ADAM32: variants seen among roughly 807,000 people sequenced by gnomAD.
ADAM32 encodes ADAM metallopeptidase domain 32.
In ADAM32, 89 loss-of-function variants were observed where a neutral mutation model predicts 114.9. That is an observed-to-expected ratio of 0.77 (90% confidence interval 0.65 to 0.92). ADAM32 has a LOEUF of 0.92. Ranked by LOEUF, ADAM32 falls within the 40% of genes least tolerant of loss-of-function variation. The pLI is 0.00. For missense variants in ADAM32, 870 were observed against 932.8 expected (o/e 0.93, Z 0.88); for synonymous variants, 285 against 307.5 (o/e 0.93, Z 0.77).
intron 15 of ADAM32, among the ~76,000 whole-genome samples, chr8:39,233,095 AC>A (rs1809858433): frequency 6.6e-6 from 1 of 152,132 alleles, no homozygotes; most frequent in Admixed American, 6.6e-5. Context: ...CTGAATACGG[AC>A]CCCAAGAGAG....
intron 11 of ADAM32, among the ~76,000 whole-genome samples, chr8:39,203,992 G>A (rs1807630306): frequency 1.3e-5 from 2 of 152,214 alleles, no homozygotes; most frequent in Admixed American, 6.5e-5. Flanking sequence ...AGTTTCTGCT[G>A]AGAGATCCGC....
In ADAM32 at chr8:39,276,846, TTC is replaced by T. The variant is rs1334130179; in HGVS notation, c.2279+984_2279+985del. Among the ~76,000 whole-genome samples the T allele has an allele frequency of 3.3e-5, 5 of 152,198 alleles. No homozygotes were observed. The South Asian group carries it at 1.0e-3, about 32-fold the overall frequency. ...GGCCCAGCGAGCCTCAGTGACCTTT[TTC>T]TCTTATTATATTCTGTCATCTCAGA... On this transcript the variant is annotated intron_variant, in intron 22 of 24. Transcript: ENST00000379907.
At chr8:39,284,523 A>ATTTCATTTTATATGAAAAAATTTTAATTT (rs757216429) in intron 24 of ADAM32, among the ~76,000 whole-genome samples, 40 of 152,324 alleles carry the variant, frequency 2.6e-4, no homozygotes, top group African/African-American at 9.4e-4. Context: ...ATTCATAAAC[A>ATTTCATTTTATATGAAAAAATTTTAATTT]TTTCATTTTA....
rs1035254836 is a variant in ADAM32 at position 39,199,293 on chromosome 8, T to C, written c.1053-11851T>C. ...AGAGTTTCAGCTATTATTCCTTACA[T>C]AAGTCATCTATGCCTTTACGTCTCT... On this transcript the variant is annotated intron_variant, in intron 11 of 24. Transcript: ENST00000379907. Among the ~76,000 whole-genome samples, 6 of 152,230 alleles carry C rather than the reference T, an allele frequency of 3.9e-5. No individual in the cohort carries two copies. In the South Asian group the frequency reaches 8.3e-4, roughly 21 times the overall value.
At chr8:39,123,499 C>T (rs970858309) in intron 2 of ADAM32, among the ~76,000 whole-genome samples, 5 of 152,130 alleles carry the variant, frequency 3.3e-5, no homozygotes, top group African/African-American at 1.2e-4. Flanking sequence ...TTGTGGTTCC[C>T]TCCAAATTCA....
intron 17 of ADAM32, among the ~76,000 whole-genome samples, 177 bp downstream of exon 17, chr8:39,246,343 A>G (rs60402210): frequency 0.054 from 8,166 of 152,238 alleles, 750 homozygotes; most frequent in African/African-American, 0.19. Flanking sequence ...CAGAAGATAT[A>G]TTGAGCAGAA....
intron 6 of ADAM32, among the ~76,000 whole-genome samples, chr8:39,153,325 T>C (rs1803956661): frequency 6.6e-6 from 1 of 152,220 alleles, no homozygotes; most frequent in African/African-American, 2.4e-5. Flanking sequence ...TGACCCAGTG[T>C]AGCGAACAAT....
At chr8:39,246,034 A>C in intron 16 of ADAM32, 49 bp from the exon 17 acceptor site, 1 of 1,367,668 alleles carries the variant, frequency 7.3e-7, no homozygotes, top group Non-Finnish European at 1.0e-6. Context: ...TGTTATGATG[A>C]CTGTACCCCT....
chr8:39,256,633 G>A (rs1811664810), intron 18 of ADAM32, among the ~76,000 whole-genome samples: 1 of 152,000 alleles, frequency 6.6e-6, no homozygotes, highest in African/African-American at 2.4e-5. Flanking sequence ...TCTCCTCATG[G>A]AGTTTAGAGA....
chr8:39,228,046 G>T (rs181030322), intron 14 of ADAM32, among the ~76,000 whole-genome samples: 1 of 152,288 alleles, frequency 6.6e-6, no homozygotes, highest in Non-Finnish European at 1.5e-5. Context: ...GAGCTGGGTA[G>T]ACTCGCTGGA....
intron 1 of ADAM32, among the ~76,000 whole-genome samples, chr8:39,109,390 CA>C (rs1324277925): frequency 1.3e-5 from 2 of 151,448 alleles, no homozygotes; most frequent in East Asian, 3.9e-4. Flanking sequence ...TACTAAAATA[CA>C]AAAAAATTAG....
intron 2 of ADAM32, among the ~76,000 whole-genome samples, chr8:39,133,355 T>C (rs772378620): frequency 1.3e-5 from 2 of 152,256 alleles, no homozygotes; most frequent in Non-Finnish European, 2.9e-5. Flanking sequence ...AGAGATGTAA[T>C]ATCTATATGA....
rs1808723009 is a variant in ADAM32 at position 39,218,245 on chromosome 8, C to CT, written c.1234-3364dup. Among the ~76,000 whole-genome samples, 6 of 152,252 alleles carry CT rather than the reference C, an allele frequency of 3.9e-5. No individual in the cohort carries two copies. The South Asian group carries it at 1.2e-3, about 32-fold the overall frequency. On this transcript the variant is annotated intron_variant, in intron 12 of 24. Transcript: ENST00000379907. ...GAATTTCTCTTTCTTTCTGTGCTGA[C>CT]TGTCTGGAGCTGGGGTTGGAGAGAC...
chr8:39,113,039 A>G (rs972592392), intron 1 of ADAM32, among the ~76,000 whole-genome samples: 1 of 152,180 alleles, frequency 6.6e-6, no homozygotes, highest in African/African-American at 2.4e-5. Context: ...TGCTCTGGCC[A>G]TTTGAATGTG....
intron 20 of ADAM32, 108 bp from the exon 21 acceptor site, chr8:39,274,203 TA>T: frequency 1.0e-6 from 1 of 1,002,182 alleles, no homozygotes; most frequent in Non-Finnish European, 1.5e-6. Context: ...TATTAGTAAT[TA>T]GTCTTTTAAA....
At chr8:39,116,301 C>T (rs542997213) in intron 1 of ADAM32, among the ~76,000 whole-genome samples, 7 of 152,162 alleles carry the variant, frequency 4.6e-5, no homozygotes, top group East Asian at 1.9e-4. Flanking sequence ...ATAGAAGTAG[C>T]ACTGAATCTG....
At position 39,170,453 on chromosome 8, in the gene ADAM32, G is replaced by A. The variant is rs1391366263; in HGVS notation, c.915+456G>A. On this transcript the variant is annotated intron_variant, in intron 10 of 24. Coordinates refer to ENST00000379907, the MANE Select transcript of ADAM32 (RefSeq NM_145004.7). Reference sequence around the variant, plus strand: ...TGTGTATTTTAAGCATTTATAATACGGATAAATGTGATTTTATATATATAA... The same window carrying A: ...TGTGTATTTTAAGCATTTATAATACAGATAAATGTGATTTTATATATATAA... Among the ~76,000 whole-genome samples the A allele has an allele frequency of 1.6e-4, 24 of 151,742 alleles. 1 individual carries two copies. The highest frequency in any genetic ancestry group is 1.5e-3 in the South Asian group (7 of 4,808).
At chr8:39,147,301 A>T in intron 4 of ADAM32, 96 bp downstream of exon 4, 1 of 509,322 alleles carries the variant, frequency 2.0e-6, no homozygotes. Context: ...TTCACAGGGG[A>T]TATATTTAAG....
intron 2 of ADAM32, among the ~76,000 whole-genome samples, chr8:39,120,655 G>A (rs4733977): frequency 0.48 from 72,604 of 151,128 alleles, 18,374 homozygotes; most frequent in South Asian, 0.56. Context: ...CCAGCTACTC[G>A]GGAGACTGAG....
Sources: gnomAD v4.1 joint callset for allele counts (sites outside exome capture counted in the v4.1 genomes callset) on GRCh38, gnomAD v4.1.1 for gene constraint, MANE v1.5 for transcripts, NCBI Gene and HGNC (gene_info 2026-07-23, HGNC 2026-07-21) for gene names.